SLC12A1: variants seen among roughly 807,000 people sequenced by gnomAD.
SLC12A1 encodes Na-K-2Cl cotransporter.
In SLC12A1, 89 loss-of-function variants were observed where a neutral mutation model predicts 130.4. The observed-to-expected ratio is 0.68, with a 90% CI of 0.58 to 0.81. The LOEUF (loss-of-function observed/expected upper bound fraction) is 0.81, where lower values mean the gene tolerates loss of function less well. SLC12A1 is among the 40% of genes least tolerant of loss of function. The pLI, the probability that SLC12A1 is intolerant of heterozygous loss-of-function variation, is 0.00. For synonymous variants in SLC12A1, 499 were observed against 460.0 expected, an observed-to-expected ratio of 1.08 and a Z score of -1.09; for missense variants, 1,310 against 1,336.4, an observed-to-expected ratio of 0.98 and a Z score of 0.31.
chr15:48,246,415 T>C (rs2041580624), intron 11 of SLC12A1, among the ~76,000 whole-genome samples: 1 of 152,212 alleles, frequency 6.6e-6, no homozygotes, highest in Non-Finnish European at 1.5e-5. Context: ...CTTCTGGATA[T>C]ATTGCGGGTG....
At chr15:48,227,456 T>G (rs953500223) in intron 5 of SLC12A1, 1 of 404,450 alleles carries the variant, frequency 2.5e-6, no homozygotes, top group Admixed American at 3.7e-5. Flanking sequence ...ATGGTTTCTT[T>G]GTACCTTGGA....
intron 20 of SLC12A1, among the ~76,000 whole-genome samples, chr15:48,284,714 A>C (rs1451101597): frequency 6.6e-6 from 1 of 152,198 alleles, no homozygotes; most frequent in Non-Finnish European, 1.5e-5. Context: ...ATCATGGCTC[A>C]CTGCAGCCTC....
chr15:48,239,595 C>A (rs1049455912), intron 9 of SLC12A1, among the ~76,000 whole-genome samples: 4 of 151,878 alleles, frequency 2.6e-5, no homozygotes, highest in Non-Finnish European at 5.9e-5. Flanking sequence ...TCCTGTTAAG[C>A]CATTTGAGAG....
At chr15:48,296,118 C>T (rs543193920) in intron 24 of SLC12A1, among the ~76,000 whole-genome samples, 7 of 152,188 alleles carry the variant, frequency 4.6e-5, no homozygotes, top group South Asian at 2.1e-4. Context: ...CTCGGCCGGG[C>T]AGCCCTTACC....
At position 48,267,693 on chromosome 15, in the gene SLC12A1, C is replaced by G. The variant is rs148689126; in HGVS notation, c.2287C>G (p.Leu763Val). 304 of 1,613,230 alleles carry G rather than the reference C, an allele frequency of 1.9e-4. 2 individuals are homozygous for G. The African/African-American group carries it at 3.8e-3, about 20-fold the overall frequency. Reference protein sequence around the residue: ...ADCFRDGVRSLLQASGLGRMK... With the variant: ...ADCFRDGVRSVLQASGLGRMK... Reference sequence around the variant, plus strand: ...CTGTTTCAGGGATGGTGTCCGAAGTCTTCTTCAGGTAAGGCTGCATTGAGG... The same window carrying G: ...CTGTTTCAGGGATGGTGTCCGAAGTGTTCTTCAGGTAAGGCTGCATTGAGG... The change falls in exon 18 of 27, where the codon CTT (leucine) becomes GTT (valine). Residue 763 changes from leucine (L) to valine (V), a missense_variant. Coordinates refer to ENST00000380993, the MANE Select transcript of SLC12A1 (RefSeq NM_000338.3).
At chr15:48,274,153 T>C (rs1274709856) in intron 19 of SLC12A1, among the ~76,000 whole-genome samples, 1 of 152,128 alleles carries the variant, frequency 6.6e-6, no homozygotes, top group Non-Finnish European at 1.5e-5. Context: ...TCAGAAATGT[T>C]ACAGGAGTCC....
intron 2 of SLC12A1, among the ~76,000 whole-genome samples, chr15:48,216,203 C>T (rs1878186): frequency 0.82 from 124,011 of 152,104 alleles, 55,363 homozygotes; most frequent in Non-Finnish European, 1. Flanking sequence ...TACTAACTTG[C>T]ACATATAGTG....
At chr15:48,290,078 G>C (rs1410841294) in intron 23 of SLC12A1, among the ~76,000 whole-genome samples, 1 of 152,076 alleles carries the variant, frequency 6.6e-6, no homozygotes, top group Non-Finnish European at 1.5e-5. Flanking sequence ...CTATGCAAAA[G>C]TGTTTTCTTT....
At chr15:48,268,427 A>T (rs1002044637) in intron 18 of SLC12A1, among the ~76,000 whole-genome samples, 1 of 152,174 alleles carries the variant, frequency 6.6e-6, no homozygotes, top group Admixed American at 6.6e-5. Context: ...TGAAAACCCT[A>T]ATTATATATA....
At chr15:48,265,325 G>C (rs1418697241) in intron 17 of SLC12A1, among the ~76,000 whole-genome samples, 4 of 152,166 alleles carry the variant, frequency 2.6e-5, no homozygotes, top group African/African-American at 9.7e-5. Flanking sequence ...ACATTAGACT[G>C]TGTTTATTTA....
At chr15:48,234,816 C>T (rs960267529) in intron 8 of SLC12A1, 61 bp from the exon 9 acceptor site, 3 of 1,540,642 alleles carry the variant, frequency 1.9e-6, no homozygotes, top group Non-Finnish European at 2.7e-6. Flanking sequence ...CCAATGGTAA[C>T]TTAATCTCCT....
rs1413966165 is a variant in SLC12A1 at position 48,226,491 on chromosome 15, T to C, written c.644T>C (p.Ile215Thr). 1 of 1,595,028 alleles carries C rather than the reference T, an allele frequency of 6.3e-7. No homozygotes were observed. The highest frequency in any genetic ancestry group is 8.5e-7 in the Non-Finnish European group (1 of 1,170,348). The change falls in exon 5 of 27, where the codon ATA (isoleucine) becomes ACA (threonine). Residue 215 changes from isoleucine to threonine, a missense_variant. Ile to Thr is a moderately conservative substitution (Grantham distance 89). Transcript: ENST00000380993. ...GEAGIGLGVLIILLSTMVTSI... is the reference protein window; with the variant it reads ...GEAGIGLGVLTILLSTMVTSI... ...TTGCTAACAGGTCTTGGAGTTCTCA[T>C]AATTCTTCTTTCCACCATGGTAACT... is the stretch of plus-strand genomic sequence containing the variant.
At chr15:48,273,808 GAAGTCATT>G (rs2041922503) in intron 19 of SLC12A1, among the ~76,000 whole-genome samples, 1 of 152,150 alleles carries the variant, frequency 6.6e-6, no homozygotes, top group Non-Finnish European at 1.5e-5. Flanking sequence ...CTAATGGCAA[GAAGTCATT>G]AAGTTTTAGA....
chr15:48,288,412 ACTT>A lies in SLC12A1; in HGVS notation c.2773_2775del (p.Leu925del), dbSNP rs1555386524. ...ATTTATTCTTTATTCCAGGGTTAACACTTCTTATCCCCTATATCTTAACTCTCA... is the reference window on the plus strand; with the variant it reads ...ATTTATTCTTTATTCCAGGGTTAACACTTATCCCCTATATCTTAACTCTCA... On this transcript the variant is annotated inframe_deletion, in exon 23 of 27. Transcript: ENST00000380993. 1.4e-6 allele frequency: 2 copies of A among 1,473,358 alleles called. No individual in the cohort carries two copies. The highest frequency in any genetic ancestry group is 1.9e-6 in the Non-Finnish European group (2 of 1,075,914). The allele number at this position is 1,473,358 out of a possible 1,614,324, so 91.3% of individuals were successfully genotyped here.
intron 2 of SLC12A1, among the ~76,000 whole-genome samples, chr15:48,210,819 T>C (rs534673026): frequency 1.3e-5 from 2 of 151,276 alleles, no homozygotes; most frequent in East Asian, 3.9e-4. Flanking sequence ...GCTGAGATAG[T>C]GCCACTGCAC....
At chr15:48,213,334 T>G (rs191103009) in intron 2 of SLC12A1, among the ~76,000 whole-genome samples, 54 of 152,256 alleles carry the variant, frequency 3.5e-4, no homozygotes, top group African/African-American at 1.3e-3. Flanking sequence ...CTTCCTTGTT[T>G]CAGTCCTTTT....
At chr15:48,269,975 GA>G (rs1293542858) in intron 19 of SLC12A1, among the ~76,000 whole-genome samples, 4 of 152,172 alleles carry the variant, frequency 2.6e-5, no homozygotes, top group South Asian at 2.1e-4. Context: ...CAGGGTGAGA[GA>G]AACGCCCGTG....
intron 21 of SLC12A1, 30 bp downstream of exon 21, chr15:48,285,279 T>G (rs1224349993): frequency 6.2e-7 from 1 of 1,609,078 alleles, no homozygotes; most frequent in Non-Finnish European, 8.5e-7. Context: ...TGCAAAAAAG[T>G]TTACAAGATG....
chr15:48,288,459 GT>G lies in SLC12A1; in HGVS notation c.2817del (p.Cys939Ter). On this transcript the variant is annotated frameshift_variant, in exon 23 of 27. Coordinates refer to ENST00000380993, the MANE Select transcript of SLC12A1 (RefSeq NM_000338.3). LOFTEE classifies it high-confidence loss of function. ...ILTLRKKWKD[C>X]KLRIYVGGKI... is the part of the protein sequence containing the mutation. ...ACTCTCAGAAAAAAATGGAAAGACT[GT>G]AAATTAAGAATCTATGTGGGAGGGA... 1.3e-6 allele frequency: 2 copies of G among 1,555,588 alleles called. No homozygotes were observed. The highest frequency in any genetic ancestry group is 1.7e-6 in the Non-Finnish European group (2 of 1,147,048).
Sources: gnomAD v4.1 joint callset for allele counts (sites outside exome capture counted in the v4.1 genomes callset) on GRCh38, gnomAD v4.1.1 for gene constraint, MANE v1.5 for transcripts, NCBI Gene and HGNC (gene_info 2026-07-23, HGNC 2026-07-21) for gene names.